CSF2RB: variants seen among roughly 807,000 people sequenced by gnomAD.
The protein encoded by CSF2RB is colony stimulating factor 2 receptor subunit beta.
A neutral mutation model predicts 67.2 loss-of-function variants in CSF2RB; 22 were observed. The observed-to-expected ratio is 0.33, with a 90% CI of 0.23 to 0.47. CSF2RB has a LOEUF of 0.47. CSF2RB is among the 20% of genes least tolerant of loss of function. The pLI is 1.00. For missense variants in CSF2RB, 1,113 were observed against 1,174.5 expected, an observed-to-expected ratio of 0.95 and a Z score of 0.76; for synonymous variants, 507 against 482.9, an observed-to-expected ratio of 1.05 and a Z score of -0.65.
At chr22:36,921,638 G>A (rs1010967949) in intron 1 of CSF2RB, among the ~76,000 whole-genome samples, 13 of 152,180 alleles carry the variant, frequency 8.5e-5, no homozygotes, top group African/African-American at 3.1e-4. Flanking sequence ...CAAGCAGAGG[G>A]TGGGGGGATG....
chr22:36,934,149 C>T (rs751953948), intron 10 of CSF2RB, among the ~76,000 whole-genome samples, 155 bp downstream of exon 10: 2 of 152,124 alleles, frequency 1.3e-5, no homozygotes, highest in Non-Finnish European at 2.9e-5. Flanking sequence ...AAAGGGAAGG[C>T]CTTTGCAGAG....
rs144733976 is a variant in CSF2RB, at chr22:36,923,214, G to A, written c.77-30G>A. 58 of 1,614,136 alleles carry A rather than the reference G, an allele frequency of 3.6e-5. No homozygotes were observed. In the Middle Eastern group the frequency reaches 1.8e-3, roughly 50 times the overall value. ...GTGACAAGGGTCCCTGCAGGAAAGAGAGGTGACCCCCTTCTACCCCTCTTG... is the reference window on the plus strand; with the variant it reads ...GTGACAAGGGTCCCTGCAGGAAAGAAAGGTGACCCCCTTCTACCCCTCTTG... On this transcript the variant is annotated intron_variant, in intron 2 of 13. Coordinates refer to ENST00000403662, the MANE Select transcript of CSF2RB (RefSeq NM_000395.3).
At chr22:36,925,882 C>T (rs1398057944) in intron 3 of CSF2RB, 105 bp from the exon 4 acceptor site, 3 of 1,260,830 alleles carry the variant, frequency 2.4e-6, no homozygotes, top group Non-Finnish European at 3.4e-6. Context: ...TCACTGCTGG[C>T]CCCTGATTCT....
intron 1 of CSF2RB, among the ~76,000 whole-genome samples, chr22:36,921,726 C>T (rs1377787363): frequency 6.6e-6 from 1 of 152,096 alleles, no homozygotes; most frequent in Non-Finnish European, 1.5e-5. Flanking sequence ...TGTTCATGTC[C>T]AGGGGATGAC....
intron 2 of CSF2RB, chr22:36,922,584 C>A: frequency 3.7e-6 from 2 of 540,152 alleles, no homozygotes; most frequent in Non-Finnish European, 6.7e-6. Context: ...GCCCCTCCTT[C>A]CCCAGCAGAC....
chr22:36,923,894 G>A (rs899384631), intron 3 of CSF2RB: 37 of 783,984 alleles, frequency 4.7e-5, no homozygotes, highest in East Asian at 1.9e-4. Context: ...GGGGCTCCGC[G>A]CTCTCCCAGG....
chr22:36,913,955 T>A (rs925687445), intron 1 of CSF2RB, among the ~76,000 whole-genome samples: 2 of 152,028 alleles, frequency 1.3e-5, no homozygotes, highest in African/African-American at 4.8e-5. Flanking sequence ...GGGATCTGGT[T>A]GGTCCTGGTG....
chr22:36,925,949 C>T, intron 3 of CSF2RB, 38 bp from the exon 4 acceptor site: 1 of 1,609,644 alleles, frequency 6.2e-7, no homozygotes, highest in Non-Finnish European at 8.5e-7. Flanking sequence ...TCAGTGATAC[C>T]CATACACCCT....
At chr22:36,935,041 G>A (rs1941238203) in intron 10 of CSF2RB, among the ~76,000 whole-genome samples, 1 of 152,250 alleles carries the variant, frequency 6.6e-6, no homozygotes, top group South Asian at 2.1e-4. Context: ...CCTCCTTCAG[G>A]AAGTCCCCTG....
Position 36,937,380 on chromosome 22 carries a change from G to A in CSF2RB, c.1572G>A (p.Val524=), listed in dbSNP as rs754598038. ...WGSRFPELEG[V]FPVGFGDSEV... ...TCTGCCCATTTTCTTCCCACAGGGT[G>A]TTCCCTGTAGGATTCGGGGACAGCG... Residue 524 remains valine (V), a synonymous_variant, in exon 14 of 14, where the codon GTG becomes GTA. Transcript: ENST00000403662. This position sits in a 1 kb window ranked among gnomAD's most constrained non-coding sequence, Gnocchi z 4.6. 1.2e-6 allele frequency: 2 copies of A among 1,613,414 alleles called. No homozygotes were observed. The highest frequency in any genetic ancestry group is 2.2e-5 in the South Asian group (2 of 91,060).
intron 9 of CSF2RB, 123 bp from the exon 10 acceptor site, chr22:36,933,709 C>A: frequency 7.5e-7 from 1 of 1,331,050 alleles, no homozygotes; most frequent in Non-Finnish European, 1.0e-6. Context: ...GAGAGAGAAG[C>A]CGCAGCAGGC....
In CSF2RB at chr22:36,922,192, A is replaced by G; in HGVS notation, c.-16A>G. 1 of 1,576,812 alleles carries G rather than the reference A, an allele frequency of 6.3e-7. No homozygotes were observed. The highest frequency in any genetic ancestry group is 8.6e-7 in the Non-Finnish European group (1 of 1,161,660). On this transcript the variant is annotated 5_prime_UTR_variant, in exon 2 of 14. Transcript: ENST00000403662. ...CACCAGTGCTGGTGCCTGCCTGTCCAGAGCTGACCAGGGAGATGGTGCTGG... is the reference window on the plus strand; with the variant it reads ...CACCAGTGCTGGTGCCTGCCTGTCCGGAGCTGACCAGGGAGATGGTGCTGG...
chr22:36,936,476 C>G, intron 12 of CSF2RB, 73 bp from the exon 13 acceptor site: 1 of 1,162,860 alleles, frequency 8.6e-7, no homozygotes, highest in Non-Finnish European at 1.3e-6. Context: ...CTCCTGCACC[C>G]CCGTCACCCT....
In CSF2RB at chr22:36,929,751, G is replaced by A. The variant is rs372395367; in HGVS notation, c.662G>A (p.Arg221Gln). 7.9e-5 allele frequency: 127 copies of A among 1,613,980 alleles called. No homozygotes were observed. Among genetic ancestry groups the A allele is most frequent in the South Asian group, 3.6e-4 (33 of 91,064 alleles). ...CGGACCCGCCTGGCCCCAGGTTCTC[G>A]GCTCTCAGGACGTCCCAGCAAGTGG... ...RVRTRLAPGS[R>Q]LSGRPSKWSP... The change falls in exon 6 of 14, where the codon CGG becomes CAG. Residue 221 changes from arginine (R) to glutamine (Q), a missense_variant. Arg to Gln is a conservative substitution (Grantham distance 43). Transcript: ENST00000403662.
rs1423882169 is a variant in CSF2RB, at chr22:36,938,730, G to A, written c.*228G>A. On this transcript the variant is annotated 3_prime_UTR_variant, in exon 14 of 14. Coordinates refer to ENST00000403662, the MANE Select transcript of CSF2RB (RefSeq NM_000395.3). ...ACACGTACATGCACACATTTTTCCT[G>A]TCAGGTTAACTTATTTGTAGGTTCT... 4 of 564,168 alleles carry A rather than the reference G, an allele frequency of 7.1e-6. No homozygotes were observed. Among genetic ancestry groups the A allele is most frequent in the Non-Finnish European group, 1.2e-5 (4 of 320,468 alleles). 34.9% of individuals were successfully genotyped at this position (564,168 alleles called of 1,614,324 possible).
rs1941354235 is a variant in CSF2RB, at chr22:36,940,093, G to C, written c.*1591G>C. The C allele has an allele frequency of 6.6e-6, 1 of 152,118 alleles. No individual in the cohort carries two copies. Among genetic ancestry groups the C allele is most frequent in the Non-Finnish European group, 1.5e-5 (1 of 68,014 alleles). 9.4% of individuals were successfully genotyped at this position (152,118 alleles called of 1,614,324 possible). A position where few individuals can be genotyped will look rare whatever the true frequency, so the allele number is the denominator to read the frequency against. On this transcript the variant is annotated 3_prime_UTR_variant, in exon 14 of 14. Coordinates refer to ENST00000403662, the MANE Select transcript of CSF2RB (RefSeq NM_000395.3). ...TGTATATATACTTTATTGGTCCCTA[G>C]GCTTCCTATTTTGTTACCTTGCTTT... is the stretch of plus-strand genomic sequence containing the variant.
chr22:36,927,674 G>C (rs913046544), intron 4 of CSF2RB, among the ~76,000 whole-genome samples: 4 of 152,184 alleles, frequency 2.6e-5, no homozygotes, highest in Non-Finnish European at 5.9e-5. Flanking sequence ...AGGTAGAGGG[G>C]ACCCTCTAGG....
intron 3 of CSF2RB, among the ~76,000 whole-genome samples, chr22:36,925,416 T>C (rs191029139): frequency 1.3e-3 from 202 of 152,292 alleles, no homozygotes; most frequent in African/African-American, 4.7e-3. Flanking sequence ...TTTCAAAGCA[T>C]TTATCAAAAT....
chr22:36,921,755 C>T (rs569110706), intron 1 of CSF2RB, among the ~76,000 whole-genome samples: 1 of 152,252 alleles, frequency 6.6e-6, no homozygotes, highest in South Asian at 2.1e-4. Flanking sequence ...ATCCAACAGC[C>T]GTGGACCAGC....
Sources: allele counts gnomAD v4.1 joint callset (sites outside exome capture counted in the v4.1 genomes callset), GRCh38; gene constraint gnomAD v4.1.1; non-coding constraint Gnocchi (gnomAD v3.1); transcripts MANE v1.5; gene names NCBI Gene and HGNC (gene_info 2026-07-23, HGNC 2026-07-21).